The following CSMD3 variants were observed in gnomAD, a reference collection of about 807,000 sequenced individuals.
CSMD3 encodes the protein CUB and Sushi multiple domains 3.
In CSMD3, 177 loss-of-function variants were observed where a neutral mutation model predicts 435.2. The ratio of observed to expected loss-of-function variants is 0.41; its 90% CI spans 0.36 to 0.46. CSMD3 has a LOEUF of 0.46. Among genes scored for constraint, CSMD3 ranks in the 20% least tolerant of loss-of-function variants. The pLI is 0.34. For missense variants in CSMD3, 4,265 were observed against 4,504.6 expected, an observed-to-expected ratio of 0.95 and a Z score of 1.52; for synonymous variants, 1,656 against 1,520.5, an observed-to-expected ratio of 1.09 and a Z score of -2.07.
chr8:113,346,274 T>A (rs2132876980), intron 1 of CSMD3, among the ~76,000 whole-genome samples: 1 of 152,168 alleles, frequency 6.6e-6, no homozygotes, highest in Non-Finnish European at 1.5e-5. Flanking sequence ...CCTTTCTTGA[T>A]ATATTAACTT....
At chr8:112,706,269 CT>C (rs1161786946) in intron 13 of CSMD3, among the ~76,000 whole-genome samples, 1 of 151,870 alleles carries the variant, frequency 6.6e-6, no homozygotes, top group Non-Finnish European at 1.5e-5. Context: ...TGAAATTGTA[CT>C]ATGTCCTAAA....
intron 1 of CSMD3, among the ~76,000 whole-genome samples, chr8:113,331,828 T>C (rs748805302): frequency 6.6e-6 from 1 of 151,738 alleles, no homozygotes. Flanking sequence ...ACCATCAAAT[T>C]TAATGGTGAA....
At chr8:113,327,579 C>T (rs964108971) in intron 1 of CSMD3, among the ~76,000 whole-genome samples, 1 of 152,116 alleles carries the variant, frequency 6.6e-6, no homozygotes, top group African/African-American at 2.4e-5. Flanking sequence ...GCAAAACAGC[C>T]TCCCAGCAAT....
chr8:112,398,986 G>A (rs1457923030), intron 35 of CSMD3, among the ~76,000 whole-genome samples: 3 of 151,216 alleles, frequency 2.0e-5, no homozygotes, highest in Admixed American at 6.6e-5. Flanking sequence ...GTACGATCTC[G>A]GCTCACTGCA....
intron 2 of CSMD3, among the ~76,000 whole-genome samples, chr8:113,298,490 C>A (rs889062491): frequency 2.6e-5 from 4 of 151,970 alleles, no homozygotes; most frequent in African/African-American, 9.7e-5. Context: ...ATAAAATATT[C>A]CTTTTAAACT....
Position 112,559,300 on chromosome 8 carries a change from T to C in CSMD3, c.4043-2346A>G, listed in dbSNP as rs529975108. Among the ~76,000 whole-genome samples the C allele has an allele frequency of 3.8e-4, 57 of 151,998 alleles. 1 individual carries two copies. Among genetic ancestry groups the C allele is most frequent in the African/African-American group, 1.2e-3 (48 of 41,524 alleles). On this transcript the variant is annotated intron_variant, in intron 24 of 70. Transcript: ENST00000297405. ...ATGGGAGATTAATATGTCCCTTAAA[T>C]AGATATATTTACATTACAAAAGGTT...
At chr8:113,289,550 G>C (rs200835216) in intron 2 of CSMD3, among the ~76,000 whole-genome samples, 6 of 71,184 alleles carry the variant, frequency 8.4e-5, no homozygotes, top group African/African-American at 2.8e-4. Context: ...CAGACAGAGA[G>C]AGACAGAGAG....
intron 1 of CSMD3, among the ~76,000 whole-genome samples, chr8:113,319,115 A>G (rs540124126): frequency 5.9e-5 from 9 of 151,862 alleles, no homozygotes; most frequent in Admixed American, 2.6e-4. Context: ...AATATTTTTA[A>G]TTTATTTAGG....
intron 2 of CSMD3, among the ~76,000 whole-genome samples, chr8:113,307,306 G>T (rs2132630469): frequency 6.6e-6 from 1 of 152,168 alleles, no homozygotes; most frequent in Non-Finnish European, 1.5e-5. Context: ...TTATTTCTAG[G>T]ATTCCTTAAA....
At chr8:112,683,120 T>C (rs1169447716) in intron 15 of CSMD3, among the ~76,000 whole-genome samples, 2 of 151,986 alleles carry the variant, frequency 1.3e-5, no homozygotes, top group Admixed American at 6.6e-5. Flanking sequence ...AGTATGAAAC[T>C]GTTACAACTT....
rs200743500 is a variant in CSMD3 at position 112,761,626 on chromosome 8, GT to G, written c.1972+38535del. Among the ~76,000 whole-genome samples the G allele has an allele frequency of 2.1e-3, 318 of 151,346 alleles. 1 individual carries two copies. The highest frequency in any genetic ancestry group is 6.0e-3 in the African/African-American group (246 of 41,304). ...AAGTTGTGAACCATATTTACAAAAA[GT>G]TTTTTTTTAAGTCTGTGCTTAATTC... On this transcript the variant is annotated intron_variant, in intron 13 of 70. Coordinates refer to ENST00000297405, the MANE Select transcript of CSMD3 (RefSeq NM_198123.2).
At chr8:112,897,765 GA>G (rs2081993972) in intron 10 of CSMD3, among the ~76,000 whole-genome samples, 2 of 147,626 alleles carry the variant, frequency 1.4e-5, no homozygotes, top group Admixed American at 6.8e-5. Context: ...ATAAAAGAGT[GA>G]AAAAAATAGG....
At chr8:113,306,391 TAG>T in intron 2 of CSMD3, among the ~76,000 whole-genome samples, 1 of 152,298 alleles carries the variant, frequency 6.6e-6, no homozygotes, top group South Asian at 2.1e-4. Context: ...AACTTGGAGA[TAG>T]AGACATGCGA....
chr8:113,422,371 T>C (rs11989015), intron 1 of CSMD3, among the ~76,000 whole-genome samples: 2,754 of 152,318 alleles, frequency 0.018, 95 homozygotes, highest in African/African-American at 0.061. Flanking sequence ...GCCGCTTTTA[T>C]CTCAACATTC....
At chr8:112,333,263 G>T (rs1471494060) in intron 45 of CSMD3, among the ~76,000 whole-genome samples, 2 of 152,190 alleles carry the variant, frequency 1.3e-5, no homozygotes, top group African/African-American at 4.8e-5. Flanking sequence ...TGCCTCCGGG[G>T]TTCAAGTGAT....
intron 5 of CSMD3, among the ~76,000 whole-genome samples, chr8:113,043,229 A>G (rs2087698649): frequency 6.6e-6 from 1 of 152,204 alleles, no homozygotes; most frequent in Non-Finnish European, 1.5e-5. Context: ...TGTCTTAATC[A>G]TCACTTCTCA....
chr8:113,357,475 A>G (rs2094239173), intron 1 of CSMD3, among the ~76,000 whole-genome samples: 1 of 152,234 alleles, frequency 6.6e-6, no homozygotes, highest in African/African-American at 2.4e-5. Flanking sequence ...AATTTATTTT[A>G]ATTGTGTTTA....
chr8:112,356,507 GT>G (rs1826618876), intron 38 of CSMD3, among the ~76,000 whole-genome samples: 1 of 151,936 alleles, frequency 6.6e-6, no homozygotes, highest in Non-Finnish European at 1.5e-5. Flanking sequence ...GGGTTACTTG[GT>G]AGGGGAAAGA....
At chr8:112,977,004 TAATTA>T (rs1166821938) in intron 6 of CSMD3, among the ~76,000 whole-genome samples, 2 of 152,080 alleles carry the variant, frequency 1.3e-5, no homozygotes, top group East Asian at 1.9e-4. Context: ...ATTTTTATTC[TAATTA>T]AATATTTTTT....
Sources: gnomAD v4.1 joint callset for allele counts (sites outside exome capture counted in the v4.1 genomes callset) on GRCh38, gnomAD v4.1.1 for gene constraint, MANE v1.5 for transcripts, NCBI Gene and HGNC (gene_info 2026-07-23, HGNC 2026-07-21) for gene names.